The following ORC5 variants were observed in gnomAD, a reference collection of about 807,000 sequenced individuals.
The protein encoded by ORC5 is protein phosphatase 1, regulatory subunit 117.
In ORC5, 39 loss-of-function variants were observed where a neutral mutation model predicts 58.8. The observed-to-expected ratio is 0.66, with a 90% confidence interval of 0.51 to 0.87. ORC5 has a LOEUF of 0.87. Among genes scored for constraint, ORC5 ranks in the 40% least tolerant of loss-of-function variants. ORC5 has a pLI of 0.00. For synonymous variants in ORC5, 218 were observed against 177.6 expected (o/e 1.23, Z -1.81); for missense variants, 493 against 506.3 (o/e 0.97, Z 0.25).
chr7:104,188,619 T>C (rs1021540702), intron 5 of ORC5, among the ~76,000 whole-genome samples: 1 of 152,166 alleles, frequency 6.6e-6, no homozygotes, highest in African/African-American at 2.4e-5. Flanking sequence ...CATAATTCCC[T>C]GAATGAGAAG....
chr7:104,152,295 G>A (rs914580139), intron 12 of ORC5, among the ~76,000 whole-genome samples: 1 of 151,880 alleles, frequency 6.6e-6, no homozygotes, highest in Non-Finnish European at 1.5e-5. Flanking sequence ...TTACAATCAC[G>A]CACCACCACA....
chr7:104,187,806 T>C (rs965388807), intron 6 of ORC5: 2 of 985,790 alleles, frequency 2.0e-6, no homozygotes, highest in Non-Finnish European at 2.4e-6. Flanking sequence ...TGAAAGCTTC[T>C]GACCATACTC....
chr7:104,165,469 C>T (rs896097801), intron 10 of ORC5, 187 bp from the exon 11 acceptor site: 74 of 424,432 alleles, frequency 1.7e-4, no homozygotes, highest in Non-Finnish European at 2.2e-4. Flanking sequence ...TTCGTTTAGA[C>T]TTGGATTGGA....
chr7:104,132,141 G>C (rs560427434), intron 13 of ORC5, among the ~76,000 whole-genome samples: 18 of 151,824 alleles, frequency 1.2e-4, no homozygotes, highest in Non-Finnish European at 2.5e-4. Flanking sequence ...AAAGTGTTCT[G>C]GATAAAGCTA....
At chr7:104,150,833 A>T (rs927164113) in intron 12 of ORC5, among the ~76,000 whole-genome samples, 3 of 146,734 alleles carry the variant, frequency 2.0e-5, no homozygotes, top group Non-Finnish European at 4.6e-5. Context: ...GGGTAGTTGG[A>T]GACAAACACA....
At chr7:104,194,118 A>G (rs62485919) in intron 5 of ORC5, among the ~76,000 whole-genome samples, 1 of 145,868 alleles carries the variant, frequency 6.9e-6, no homozygotes, top group Non-Finnish European at 1.5e-5. Context: ...TTTTTTTTAA[A>G]TAAAATCCTT....
At chr7:104,201,158 G>A (rs1768527851) in intron 2 of ORC5, among the ~76,000 whole-genome samples, 200 bp from the exon 3 acceptor site, 1 of 152,170 alleles carries the variant, frequency 6.6e-6, no homozygotes, top group Non-Finnish European at 1.5e-5. Context: ...CCAATGGAAA[G>A]AACCAGCAGG....
intron 12 of ORC5, among the ~76,000 whole-genome samples, chr7:104,149,261 G>A (rs547284321): frequency 1.3e-5 from 2 of 152,168 alleles, no homozygotes; most frequent in South Asian, 2.1e-4. Flanking sequence ...ATCATTTCCA[G>A]GTAAAGTCAT....
intron 8 of ORC5, among the ~76,000 whole-genome samples, chr7:104,181,653 G>A (rs958142677): frequency 3.3e-5 from 5 of 152,032 alleles, no homozygotes; most frequent in Admixed American, 2.6e-4. Flanking sequence ...TTAGCCAGGT[G>A]TGGTGGTGGG....
In ORC5 at chr7:104,138,443, G is replaced by A. The variant is rs141900860; in HGVS notation, c.1150-1550C>T. On this transcript the variant is annotated intron_variant, in intron 12 of 13. Coordinates refer to ENST00000297431, the MANE Select transcript of ORC5 (RefSeq NM_002553.4). This position sits in a 1 kb window ranked among gnomAD's most constrained non-coding sequence, Gnocchi z 4.7. ...TTAAGAGTTAGGTAGCTGGTTAGAT[G>A]AGAGATAAGAAATACATCCTTCAGA... Among the ~76,000 whole-genome samples, 1 of 152,102 alleles carries A rather than the reference G, an allele frequency of 6.6e-6. No individual in the cohort carries two copies. Among genetic ancestry groups the A allele is most frequent in the Admixed American group, 6.5e-5 (1 of 15,268 alleles).
rs200012258 is a variant in ORC5, at chr7:104,207,870, T to G, written c.35A>C (p.Glu12Ala). ...GGACTGCAAGATGGACACTTGAGAC[T>G]CGCGACAAAGCACCACGTTTTCCAA... ...PHLENVVLCR[E>A]SQVSILQSLF... The change falls in exon 1 of 14, where the codon GAG becomes GCG. Residue 12 changes from glutamate to alanine, a missense_variant. Glu to Ala is a moderately radical substitution (Grantham distance 107). Around this residue, in one of 3 missense-constraint regions of ORC5, gnomAD observed 412 missense variants for 403.7 expected, o/e 1.02. Coordinates refer to ENST00000297431, the MANE Select transcript of ORC5 (RefSeq NM_002553.4). 6.2e-7 allele frequency: 1 copy of G among 1,614,158 alleles called. No homozygotes were observed. The highest frequency in any genetic ancestry group is 1.7e-5 in the Admixed American group (1 of 60,028).
chr7:104,159,765 G>A (rs1303341467), intron 12 of ORC5, among the ~76,000 whole-genome samples: 1 of 152,020 alleles, frequency 6.6e-6, no homozygotes, highest in Non-Finnish European at 1.5e-5. Flanking sequence ...TGTAAAAGTT[G>A]TTTAATCTCT....
chr7:104,182,461 T>C (rs1169925753), intron 8 of ORC5, among the ~76,000 whole-genome samples: 1 of 152,092 alleles, frequency 6.6e-6, no homozygotes. Flanking sequence ...ACCTAAAAGA[T>C]TCTTTAGTCC....
At position 104,136,693 on chromosome 7, in the gene ORC5, T is replaced by G. The variant is rs1006052167; in HGVS notation, c.1262+88A>C. The G allele has an allele frequency of 1.3e-6, 1 of 796,768 alleles. No homozygotes were observed. 49.4% of individuals were successfully genotyped at this position (796,768 alleles called of 1,614,324 possible). A position where few individuals can be genotyped will look rare whatever the true frequency, so the allele number is the denominator to read the frequency against. On this transcript the variant is annotated intron_variant, in intron 13 of 13. Coordinates refer to ENST00000297431, the MANE Select transcript of ORC5 (RefSeq NM_002553.4). The surrounding 1 kb of genome is among the most constrained non-coding windows in gnomAD (Gnocchi z 4.2). ...GGCACTTAAATAGATGATTTTTTCA[T>G]GTTTAAATGTCATGACTAATGACAT... is the stretch of plus-strand genomic sequence containing the variant.
intron 11 of ORC5, among the ~76,000 whole-genome samples, chr7:104,164,992 T>A (rs1033446777): frequency 6.6e-6 from 1 of 152,178 alleles, no homozygotes; most frequent in African/African-American, 2.4e-5. Context: ...CAGGGTAAAC[T>A]TCTTCATCTA....
chr7:104,169,701 T>C (rs1161834805), intron 8 of ORC5, among the ~76,000 whole-genome samples: 4 of 152,150 alleles, frequency 2.6e-5, no homozygotes, highest in African/African-American at 9.7e-5. Flanking sequence ...CTTCTTTGAG[T>C]ATACTTTAAA....
Position 104,161,202 on chromosome 7 carries a change from A to G in ORC5, c.1039-20T>C. 7.4e-7 allele frequency: 1 copy of G among 1,351,728 alleles called. No individual in the cohort carries two copies. The highest frequency in any genetic ancestry group is 1.2e-5 in the South Asian group (1 of 84,204). The allele number at this position is 1,351,728 out of a possible 1,614,324, so 83.7% of individuals were successfully genotyped here. ...GCTTGTCTGTAAAAAACAAAACAAA[A>G]ACATGGATTTTCTTCTTATACCAGA... On this transcript the variant is annotated intron_variant, in intron 11 of 13. Coordinates refer to ENST00000297431, the MANE Select transcript of ORC5 (RefSeq NM_002553.4).
chr7:104,157,489 T>C (rs939161042), intron 12 of ORC5, among the ~76,000 whole-genome samples: 10 of 152,052 alleles, frequency 6.6e-5, no homozygotes, highest in African/African-American at 2.4e-4. Context: ...GCAACTACAA[T>C]TGTCAAGTTT....
chr7:104,149,275 A>T (rs565721922), intron 12 of ORC5, among the ~76,000 whole-genome samples: 62 of 152,288 alleles, frequency 4.1e-4, no homozygotes, highest in African/African-American at 1.4e-3. Flanking sequence ...AAGTCATCTT[A>T]ATTATGTAGG....
Sources: allele counts gnomAD v4.1 joint callset (sites outside exome capture counted in the v4.1 genomes callset), GRCh38; gene constraint gnomAD v4.1.1; regional missense constraint gnomAD v4.1.1; non-coding constraint Gnocchi (gnomAD v3.1); transcripts MANE v1.5; gene names NCBI Gene and HGNC (gene_info 2026-07-23, HGNC 2026-07-21).